Variants in GNAZ observed in about 807,000 individuals in gnomAD.
GNAZ encodes guanine nucleotide-binding protein G(z) subunit alpha.
A neutral mutation model predicts 25.4 loss-of-function variants in GNAZ; 3 were observed. That is an observed-to-expected ratio of 0.12 (90% confidence interval 0.05 to 0.30). GNAZ has a LOEUF of 0.30. Among genes scored for constraint, GNAZ ranks in the 10% least tolerant of loss-of-function variants. The pLI, the probability that GNAZ is intolerant of heterozygous loss-of-function variation, is 1.00. For synonymous variants in GNAZ, 211 were observed against 205.7 expected (o/e 1.03, Z -0.22); for missense variants, 241 against 501.8 (o/e 0.48, Z 4.97).
chr22:23,084,865 C>A (rs753105319), intron 1 of GNAZ, among the ~76,000 whole-genome samples: 2 of 152,212 alleles, frequency 1.3e-5, no homozygotes, highest in Non-Finnish European at 2.9e-5. Flanking sequence ...TGCCAGAGGA[C>A]GCACTGTCTG....
At chr22:23,094,998 C>T (rs904397191) in intron 1 of GNAZ, among the ~76,000 whole-genome samples, 7 of 152,200 alleles carry the variant, frequency 4.6e-5, no homozygotes, top group African/African-American at 1.2e-4. Context: ...GCAGAGGCCT[C>T]GCACACACCC....
chr22:23,085,688 T>C (rs1205560872), intron 1 of GNAZ, among the ~76,000 whole-genome samples: 1 of 152,180 alleles, frequency 6.6e-6, no homozygotes, highest in Non-Finnish European at 1.5e-5. Flanking sequence ...GCCTCCGCCC[T>C]GGTTGTCCCA....
In GNAZ at chr22:23,095,375, C is replaced by T. The variant is rs962915671; in HGVS notation, c.-321C>T. 34 of 325,570 alleles carry T rather than the reference C, an allele frequency of 1.0e-4. No individual in the cohort carries two copies. The highest frequency in any genetic ancestry group is 1.4e-4 in the Non-Finnish European group (25 of 174,906). The allele number at this position is 325,570 out of a possible 1,614,324, so 20.2% of individuals were successfully genotyped here. On this transcript the variant is annotated 5_prime_UTR_variant, in exon 2 of 3. Coordinates refer to ENST00000615612, the MANE Select transcript of GNAZ (RefSeq NM_002073.4). ...CAACCAGCAACCAGACGGCAGCAGC[C>T]GAGGCAAACACAAGCGGACGGCTTC... is the stretch of plus-strand genomic sequence containing the variant.
chr22:23,101,118 A>G (rs2069290035), intron 2 of GNAZ, among the ~76,000 whole-genome samples: 1 of 152,190 alleles, frequency 6.6e-6, no homozygotes, highest in Non-Finnish European at 1.5e-5. Context: ...CCAGACACAG[A>G]TGATACCCTC....
chr22:23,088,401 G>A (rs1012178269), intron 1 of GNAZ, among the ~76,000 whole-genome samples: 43 of 152,182 alleles, frequency 2.8e-4, no homozygotes, highest in African/African-American at 9.7e-4. Context: ...CTGTCACTGC[G>A]CGGGCCTCCT....
intron 1 of GNAZ, among the ~76,000 whole-genome samples, chr22:23,076,135 C>G (rs2068500423): frequency 6.6e-6 from 1 of 152,198 alleles, no homozygotes; most frequent in South Asian, 2.1e-4. Flanking sequence ...CTGCTCCAGA[C>G]AGGGCTGGTG....
At chr22:23,100,273 C>A (rs2069258861) in intron 2 of GNAZ, among the ~76,000 whole-genome samples, 2 of 152,248 alleles carry the variant, frequency 1.3e-5, no homozygotes, top group African/African-American at 2.4e-5. Flanking sequence ...CCCTGTCTTT[C>A]TAGAGCTGGC....
Position 23,123,254 on chromosome 22 carries a change from C to T in GNAZ, c.891C>T (p.Tyr297=), listed in dbSNP as rs146853897. Residue 297 remains tyrosine, a synonymous_variant, in exon 3 of 3, where the codon TAC becomes TAT. Transcript: ENST00000615612. ...CCGAGTACAAGGGCCAGAACACGTA[C>T]GAGGAGGCCGCTGTCTACATCCAGC... ...CFPEYKGQNT[Y]EEAAVYIQRQ... 1.4e-4 allele frequency: 233 copies of T among 1,614,130 alleles called. 1 individual carries two copies. The African/African-American group carries it at 1.8e-3, about 13-fold the overall frequency.
chr22:23,081,071 ACT>A (rs2068664010), intron 1 of GNAZ, among the ~76,000 whole-genome samples: 1 of 152,156 alleles, frequency 6.6e-6, no homozygotes, highest in Non-Finnish European at 1.5e-5. Flanking sequence ...GTGGGCTGTG[ACT>A]GTATAGAGGG....
intron 2 of GNAZ, among the ~76,000 whole-genome samples, chr22:23,099,488 G>A (rs2069231611): frequency 6.6e-6 from 1 of 152,260 alleles, no homozygotes; most frequent in South Asian, 2.1e-4. Context: ...AGCAACACAA[G>A]GGGGTTTTTC....
intron 2 of GNAZ, among the ~76,000 whole-genome samples, chr22:23,097,887 G>A (rs555616972): frequency 6.6e-6 from 1 of 152,378 alleles, no homozygotes; most frequent in Admixed American, 6.5e-5. Context: ...TCACCACAGT[G>A]GCAGGCGTGG....
At chr22:23,098,925 T>C (rs1217052371) in intron 2 of GNAZ, among the ~76,000 whole-genome samples, 1 of 152,220 alleles carries the variant, frequency 6.6e-6, no homozygotes, top group African/African-American at 2.4e-5. Context: ...TCTCTCCTTT[T>C]GGAACGTGCT....
rs34937804 is a variant in GNAZ at position 23,096,319 on chromosome 22, G to A, written c.624G>A (p.Glu208=). 7.6e-4 allele frequency: 1,225 copies of A among 1,613,990 alleles called. 8 individuals carry two copies. The African/African-American group carries it at 0.015, about 20-fold the overall frequency. ...KMVDVGGQRS[E]RKKWIHCFEG... Reference sequence around the variant, plus strand: ...TGGACGTGGGGGGGCAGAGGTCAGAGCGCAAAAAGTGGATCCACTGCTTCG... The same window carrying A: ...TGGACGTGGGGGGGCAGAGGTCAGAACGCAAAAAGTGGATCCACTGCTTCG... The change falls in exon 2 of 3, where the codon GAG becomes GAA. Residue 208 remains glutamate (E), a synonymous_variant. Coordinates refer to ENST00000615612, the MANE Select transcript of GNAZ (RefSeq NM_002073.4).
chr22:23,114,587 G>C (rs559215190), intron 2 of GNAZ, among the ~76,000 whole-genome samples: 54 of 152,362 alleles, frequency 3.5e-4, no homozygotes, highest in African/African-American at 1.3e-3. Context: ...ATCTGCAGCA[G>C]TGCCAGCTGC....
chr22:23,100,463 G>T (rs1382101234), intron 2 of GNAZ, among the ~76,000 whole-genome samples: 1 of 152,228 alleles, frequency 6.6e-6, no homozygotes, highest in Non-Finnish European at 1.5e-5. Context: ...AGGGGACGGG[G>T]GACATAAGAA....
intron 2 of GNAZ, among the ~76,000 whole-genome samples, chr22:23,103,283 C>T (rs2069356097): frequency 6.6e-6 from 1 of 152,206 alleles, no homozygotes; most frequent in African/African-American, 2.4e-5. Context: ...AGTTCTACTC[C>T]TCCCCAGCCC....
chr22:23,110,019 C>A (rs550543902), intron 2 of GNAZ, among the ~76,000 whole-genome samples: 1 of 152,164 alleles, frequency 6.6e-6, no homozygotes, highest in Non-Finnish European at 1.5e-5. Flanking sequence ...TTGAGGTTTG[C>A]GGGAGGAAGA....
intron 1 of GNAZ, among the ~76,000 whole-genome samples, chr22:23,088,294 G>A (rs991213445): frequency 6.6e-6 from 1 of 152,190 alleles, no homozygotes; most frequent in East Asian, 1.9e-4. Flanking sequence ...CATGCTCTGA[G>A]CTGTGGGCTG....
chr22:23,085,938 C>G (rs2068806725), intron 1 of GNAZ, among the ~76,000 whole-genome samples: 1 of 152,252 alleles, frequency 6.6e-6, no homozygotes, highest in South Asian at 2.1e-4. Context: ...CAACGTGGCT[C>G]TCACACCCTC....
Sources: allele counts gnomAD v4.1 joint callset (sites outside exome capture counted in the v4.1 genomes callset), GRCh38; gene constraint gnomAD v4.1.1; transcripts MANE v1.5; gene names NCBI Gene and HGNC (gene_info 2026-07-23, HGNC 2026-07-21).